MINDY2: variants seen among roughly 807,000 people sequenced by gnomAD.
MINDY2 encodes ubiquitin carboxyl-terminal hydrolase MINDY-2.
Under a neutral mutation model 68.2 loss-of-function variants are expected in MINDY2, and 52 were observed. That is an observed-to-expected ratio of 0.76 (90% CI 0.61 to 0.96). MINDY2 has a LOEUF of 0.96. MINDY2 is among the 40% of genes least tolerant of loss of function. The probability of loss-of-function intolerance (pLI) is 0.00; values close to 1 mark genes in which losing one functional copy is unlikely to be tolerated. For missense variants in MINDY2, 881 were observed against 773.4 expected (o/e 1.14, Z -1.65); for synonymous variants, 372 against 303.0 (o/e 1.23, Z -2.36).
intron 5 of MINDY2, among the ~76,000 whole-genome samples, chr15:58,823,745 G>A (rs2031220261): frequency 1.3e-5 from 2 of 152,060 alleles, no homozygotes; most frequent in South Asian, 4.2e-4. Context: ...TTTTGTTACA[G>A]CATGAGGCAG....
intron 5 of MINDY2, 81 bp from the exon 6 acceptor site, chr15:58,831,693 G>T: frequency 1.5e-6 from 2 of 1,304,778 alleles, no homozygotes; most frequent in Non-Finnish European, 2.1e-6. Flanking sequence ...TCCATACTTG[G>T]AACACACTTT....
intron 4 of MINDY2, among the ~76,000 whole-genome samples, chr15:58,812,860 A>C (rs1197353420): frequency 6.6e-6 from 1 of 152,206 alleles, no homozygotes. Flanking sequence ...CCTGTCTCAA[A>C]ATAAATAGAG....
chr15:58,826,793 T>C (rs1295064017), intron 5 of MINDY2, among the ~76,000 whole-genome samples: 2 of 152,156 alleles, frequency 1.3e-5, no homozygotes, highest in African/African-American at 4.8e-5. Context: ...TATGGATCAT[T>C]TAGTTGTCAC....
At chr15:58,775,036 C>G (rs554685259) in intron 1 of MINDY2, among the ~76,000 whole-genome samples, 2 of 152,146 alleles carry the variant, frequency 1.3e-5, no homozygotes, top group South Asian at 2.1e-4. Flanking sequence ...GAGCAGTATT[C>G]TCAAAGTGAG....
In MINDY2 at chr15:58,857,504, A is replaced by G. The variant is rs1487546097; in HGVS notation, c.*2894A>G. 7.6e-6 allele frequency: 1 copy of G among 132,242 alleles called. No homozygotes were observed. The highest frequency in any genetic ancestry group is 1.5e-5 in the Non-Finnish European group (1 of 64,734). The allele number at this position is 132,242 out of a possible 1,614,324, so 8.2% of individuals were successfully genotyped here. A position where few individuals can be genotyped will look rare whatever the true frequency, so the allele number is the denominator to read the frequency against. ...AGCTGAGATAGCACCACTGCATGCA[A>G]GCCTGGGCAATAGAGCGAGACTCCG... On this transcript the variant is annotated 3_prime_UTR_variant, in exon 9 of 9. Coordinates refer to ENST00000559228, the MANE Select transcript of MINDY2 (RefSeq NM_001040450.3).
chr15:58,818,804 T>C (rs1490350539), intron 4 of MINDY2, among the ~76,000 whole-genome samples: 2 of 151,566 alleles, frequency 1.3e-5, no homozygotes, highest in African/African-American at 4.9e-5. Flanking sequence ...CACGCCTGGC[T>C]AATTTTTTGT....
intron 6 of MINDY2, among the ~76,000 whole-genome samples, chr15:58,841,106 T>G (rs1483578501): frequency 6.6e-6 from 1 of 150,710 alleles, no homozygotes. Context: ...CTCAGACTCC[T>G]GAGTAGCTGG....
rs1367480252 is a variant in MINDY2, at chr15:58,856,817, G to C, written c.*2207G>C. 1 of 152,208 alleles carries C rather than the reference G, an allele frequency of 6.6e-6. No individual in the cohort carries two copies. Among genetic ancestry groups the C allele is most frequent in the African/African-American group, 2.4e-5 (1 of 41,462 alleles). 9.4% of individuals were successfully genotyped at this position (152,208 alleles called of 1,614,324 possible). A position where few individuals can be genotyped will look rare whatever the true frequency, so the allele number is the denominator to read the frequency against. On this transcript the variant is annotated 3_prime_UTR_variant, in exon 9 of 9. Transcript: ENST00000559228. ...ACCTTGAGAAATTTTAAAAAGCATA[G>C]TTGAGGCATATTTTTTCATAATTAT...
chr15:58,807,952 A>T (rs1301670757), intron 3 of MINDY2, among the ~76,000 whole-genome samples: 4 of 151,806 alleles, frequency 2.6e-5, no homozygotes, highest in Non-Finnish European at 5.9e-5. Context: ...TTCTAGTGTC[A>T]TTTTCAAGGA....
chr15:58,782,943 A>C (rs1455113417), intron 1 of MINDY2, among the ~76,000 whole-genome samples: 5 of 68,736 alleles, frequency 7.3e-5, no homozygotes, highest in Admixed American at 2.6e-4. Flanking sequence ...TTTTTGAGAC[A>C]GAGTCTTGCT....
intron 1 of MINDY2, among the ~76,000 whole-genome samples, chr15:58,785,801 C>T (rs1330484167): frequency 2.6e-5 from 4 of 152,088 alleles, no homozygotes; most frequent in African/African-American, 9.7e-5. Context: ...CTCAGTCTCC[C>T]AAGTAGCTGG....
At position 58,858,044 on chromosome 15, in the gene MINDY2, A is replaced by G. The variant is rs1438273655; in HGVS notation, c.*3434A>G. On this transcript the variant is annotated 3_prime_UTR_variant, in exon 9 of 9. Transcript: ENST00000559228. ...TTTTCATGACCTCTGTTAGATTCTC[A>G]AAAGAATTCAGAACTTCAATTTAAG... is the stretch of plus-strand genomic sequence containing the variant. The G allele has an allele frequency of 1.3e-5, 2 of 152,224 alleles. No individual in the cohort carries two copies. Among genetic ancestry groups the G allele is most frequent in the African/African-American group, 4.8e-5 (2 of 41,462 alleles). The allele number at this position is 152,224 out of a possible 1,614,324, so 9.4% of individuals were successfully genotyped here.
intron 2 of MINDY2, among the ~76,000 whole-genome samples, chr15:58,800,598 C>T (rs539161552): frequency 6.6e-6 from 1 of 151,786 alleles, no homozygotes; most frequent in Non-Finnish European, 1.5e-5. Context: ...CATTCTTCCC[C>T]TCAAAAGATG....
chr15:58,819,758 G>A (rs956131891), intron 4 of MINDY2, among the ~76,000 whole-genome samples: 5 of 152,180 alleles, frequency 3.3e-5, no homozygotes, highest in Non-Finnish European at 5.9e-5. Flanking sequence ...AAGGTGTTGA[G>A]GAAAATAACA....
chr15:58,845,904 TG>T (rs2032506339), intron 6 of MINDY2, among the ~76,000 whole-genome samples: 1 of 152,104 alleles, frequency 6.6e-6, no homozygotes, highest in Non-Finnish European at 1.5e-5. Flanking sequence ...ACAACATGGA[TG>T]GAACTGGAGG....
intron 4 of MINDY2, among the ~76,000 whole-genome samples, chr15:58,813,677 A>G (rs926090907): frequency 4.0e-5 from 6 of 150,636 alleles, no homozygotes; most frequent in South Asian, 2.1e-4. Flanking sequence ...GGCTCAAGTG[A>G]TCCTCTTGCC....
chr15:58,801,603 A>T (rs1902666417), intron 2 of MINDY2, among the ~76,000 whole-genome samples: 1 of 152,136 alleles, frequency 6.6e-6, no homozygotes, highest in Non-Finnish European at 1.5e-5. Flanking sequence ...TACCAAATAA[A>T]AACTCGTATA....
intron 1 of MINDY2, among the ~76,000 whole-genome samples, chr15:58,774,050 C>T (rs574593774): frequency 9.9e-5 from 15 of 152,160 alleles, no homozygotes; most frequent in Admixed American, 2.6e-4. Context: ...TGTAGTACTG[C>T]AGAAATTCAG....
chr15:58,851,915 G>C lies in MINDY2; in HGVS notation c.1687G>C (p.Glu563Gln). ...CAGACGGGCTTCTCAATACTATCAG[G>C]AACAGGAACAAGCAGCAGCTGCTGC... ...EDRRASQYYQ[E>Q]QEQAAAAAAA... Residue 563 changes from glutamate to glutamine, a missense_variant, in exon 8 of 9, where the codon GAA becomes CAA. Glu to Gln is a conservative substitution (Grantham distance 29). Coordinates refer to ENST00000559228, the MANE Select transcript of MINDY2 (RefSeq NM_001040450.3). 6.2e-7 allele frequency: 1 copy of C among 1,604,008 alleles called. No individual in the cohort carries two copies. The highest frequency in any genetic ancestry group is 8.5e-7 in the Non-Finnish European group (1 of 1,177,708).
Sources: allele counts gnomAD v4.1 joint callset (sites outside exome capture counted in the v4.1 genomes callset), GRCh38; gene constraint gnomAD v4.1.1; transcripts MANE v1.5; gene names NCBI Gene and HGNC (gene_info 2026-07-23, HGNC 2026-07-21).